HS6ST3: variants seen among roughly 807,000 people sequenced by gnomAD.
HS6ST3 encodes the protein heparan-sulfate 6-O-sulfotransferase 3.
HS6ST3 carries 12 observed loss-of-function variants against 36.7 expected under a neutral mutation model. The observed-to-expected ratio is 0.33, with a 90% CI of 0.21 to 0.53. The LOEUF (loss-of-function observed/expected upper bound fraction) is 0.53. Ranked by LOEUF, HS6ST3 falls within the 20% of genes least tolerant of loss-of-function variation. HS6ST3 has a pLI of 0.95. For missense variants in HS6ST3, 584 were observed against 640.9 expected, an observed-to-expected ratio of 0.91 and a Z score of 0.96; for synonymous variants, 240 against 257.5, an observed-to-expected ratio of 0.93 and a Z score of 0.65.
At chr13:96,773,375 G>A (rs1051051011) in intron 1 of HS6ST3, among the ~76,000 whole-genome samples, 2 of 152,166 alleles carry the variant, frequency 1.3e-5, no homozygotes, top group Admixed American at 1.3e-4. Context: ...GTCTAGCTCA[G>A]TGGGCCCCCT....
At chr13:96,735,296 A>C (rs1876255565) in intron 1 of HS6ST3, among the ~76,000 whole-genome samples, 1 of 152,126 alleles carries the variant, frequency 6.6e-6, no homozygotes, top group Non-Finnish European at 1.5e-5. Flanking sequence ...AGAAGAGTTT[A>C]TGTGTTTTGC....
chr13:96,646,243 G>A (rs1321930051), intron 1 of HS6ST3, among the ~76,000 whole-genome samples: 2 of 151,922 alleles, frequency 1.3e-5, no homozygotes, highest in African/African-American at 4.8e-5. Flanking sequence ...TTCTTTTTAT[G>A]TGTCTTTCCA....
At chr13:96,104,909 T>C (rs918193204) in intron 1 of HS6ST3, among the ~76,000 whole-genome samples, 2 of 152,112 alleles carry the variant, frequency 1.3e-5, no homozygotes, top group African/African-American at 2.4e-5. Context: ...ATGATGGTTG[T>C]TTATGTGTCT....
intron 1 of HS6ST3, among the ~76,000 whole-genome samples, chr13:96,432,580 T>C (rs1386016636): frequency 3.3e-5 from 5 of 152,182 alleles, no homozygotes; most frequent in Non-Finnish European, 1.5e-5. Flanking sequence ...TGCAGTAATA[T>C]AATAACCAGA....
intron 1 of HS6ST3, among the ~76,000 whole-genome samples, chr13:96,151,751 G>T (rs2054086039): frequency 6.6e-6 from 1 of 152,118 alleles, no homozygotes; most frequent in African/African-American, 2.4e-5. Context: ...GTAGCTGCTG[G>T]TGTTGGCCGG....
intron 1 of HS6ST3, among the ~76,000 whole-genome samples, chr13:96,477,327 G>C (rs925966819): frequency 2.6e-5 from 4 of 152,252 alleles, no homozygotes; most frequent in African/African-American, 9.6e-5. Context: ...AACTCCTTTA[G>C]GAATGAAAAC....
intron 1 of HS6ST3, among the ~76,000 whole-genome samples, chr13:96,711,169 G>A (rs1875552359): frequency 6.6e-6 from 1 of 152,066 alleles, no homozygotes; most frequent in South Asian, 2.1e-4. Context: ...CCTGCACCAG[G>A]CAGTAACCTC....
At chr13:96,244,280 G>T (rs1165158940) in intron 1 of HS6ST3, among the ~76,000 whole-genome samples, 2 of 152,152 alleles carry the variant, frequency 1.3e-5, no homozygotes, top group Non-Finnish European at 2.9e-5. Flanking sequence ...TCTCACAGGT[G>T]TACTGAATAG....
intron 1 of HS6ST3, among the ~76,000 whole-genome samples, chr13:96,679,853 T>A (rs1419376410): frequency 6.6e-6 from 1 of 152,082 alleles, no homozygotes; most frequent in Non-Finnish European, 1.5e-5. Flanking sequence ...AACAATGGGA[T>A]CAAAAGGTCC....
At chr13:96,257,845 C>T (rs1010318427) in intron 1 of HS6ST3, among the ~76,000 whole-genome samples, 5 of 152,180 alleles carry the variant, frequency 3.3e-5, no homozygotes, top group African/African-American at 1.2e-4. Context: ...ATACATTCCA[C>T]AGGAGATTTT....
chr13:96,807,801 G>A (rs988634800), intron 1 of HS6ST3, among the ~76,000 whole-genome samples: 1 of 151,292 alleles, frequency 6.6e-6, no homozygotes, highest in African/African-American at 2.4e-5. Flanking sequence ...GGGAGGTGGA[G>A]CTTGCAGTGA....
At chr13:96,517,536 G>A (rs946163548) in intron 1 of HS6ST3, among the ~76,000 whole-genome samples, 1 of 152,166 alleles carries the variant, frequency 6.6e-6, no homozygotes, top group Non-Finnish European at 1.5e-5. Context: ...TAGAAACTTT[G>A]ATAACTGTAG....
At chr13:96,631,698 C>A (rs1471331810) in intron 1 of HS6ST3, among the ~76,000 whole-genome samples, 3 of 152,180 alleles carry the variant, frequency 2.0e-5, no homozygotes, top group Non-Finnish European at 4.4e-5. Context: ...TGTCATATTT[C>A]TTAACAACTC....
At chr13:96,439,481 G>A (rs987653113) in intron 1 of HS6ST3, among the ~76,000 whole-genome samples, 2 of 152,194 alleles carry the variant, frequency 1.3e-5, no homozygotes, top group African/African-American at 4.8e-5. Flanking sequence ...AAATCACAGC[G>A]AGGAGACAGC....
chr13:96,829,318 AT>A lies in HS6ST3; in HGVS notation c.708-3167del, dbSNP rs1224016079. Among the ~76,000 whole-genome samples, 7 of 151,104 alleles carry A rather than the reference AT, an allele frequency of 4.6e-5. No homozygotes were observed. The East Asian group carries it at 1.4e-3, about 29-fold the overall frequency. On this transcript the variant is annotated intron_variant, in intron 1 of 1. Transcript: ENST00000376705. Reference sequence around the variant, plus strand: ...CAACTGCTCCAACTTTTTTTTTTCAATTTTTCTTTTTTTTTTAATTTTATTT... The same window carrying A: ...CAACTGCTCCAACTTTTTTTTTTCAATTTTCTTTTTTTTTTAATTTTATTT...
intron 1 of HS6ST3, among the ~76,000 whole-genome samples, chr13:96,817,517 C>G (rs761843101): frequency 6.6e-6 from 1 of 152,180 alleles, no homozygotes; most frequent in Admixed American, 6.5e-5. Flanking sequence ...CAGCACTTAA[C>G]TAGTGTTTGG....
intron 1 of HS6ST3, among the ~76,000 whole-genome samples, chr13:96,334,684 AG>A (rs1194198890): frequency 6.6e-6 from 1 of 152,138 alleles, no homozygotes; most frequent in Non-Finnish European, 1.5e-5. Flanking sequence ...TAAAACCATC[AG>A]ATCTTGTGAG....
chr13:96,381,998 G>A (rs1166271752), intron 1 of HS6ST3, among the ~76,000 whole-genome samples: 3 of 152,122 alleles, frequency 2.0e-5, no homozygotes, highest in Non-Finnish European at 2.9e-5. Flanking sequence ...GGCAGGCTTG[G>A]TAGTATCAAG....
chr13:96,462,885 A>C (rs755428940), intron 1 of HS6ST3, among the ~76,000 whole-genome samples: 2 of 152,230 alleles, frequency 1.3e-5, no homozygotes, highest in Non-Finnish European at 2.9e-5. Context: ...AGTAACAAGA[A>C]ATAAATCTAA....
Sources: allele counts gnomAD v4.1 joint callset (sites outside exome capture counted in the v4.1 genomes callset), GRCh38; gene constraint gnomAD v4.1.1; transcripts MANE v1.5; gene names NCBI Gene and HGNC (gene_info 2026-07-23, HGNC 2026-07-21).